The following LINC00632 variants were observed in gnomAD, a reference collection of about 807,000 sequenced individuals.
The protein encoded by LINC00632 is ALDOA related specific transcript.
At chrX:140,737,149 C>G (rs1230818254) in intron 3 of LINC00632, among the ~76,000 whole-genome samples, 1 of 110,389 alleles carries the variant, frequency 9.1e-6, no homozygotes, top group East Asian at 2.9e-4. Flanking sequence ...ATCCATTTGC[C>G]TCGGCCTCCC....
At chrX:140,723,883 C>T (rs1288757118) in intron 2 of LINC00632, among the ~76,000 whole-genome samples, 3 of 8,145 alleles carry the variant, frequency 3.7e-4, no homozygotes, top group Non-Finnish European at 8.1e-4. Flanking sequence ...TCCATAGCAA[C>T]AGACACACGC....
intron 2 of LINC00632, chrX:140,714,828 A>AG (rs1569346600): frequency 2.4e-5 from 1 of 42,241 alleles, no homozygotes; most frequent in Non-Finnish European, 3.7e-5. Context: ...GCCTCAAAAA[A>AG]AATAAAAAAA....
At chrX:140,720,177 A>G (rs1330837827) in intron 2 of LINC00632, among the ~76,000 whole-genome samples, 1 of 111,367 alleles carries the variant, frequency 9.0e-6, no homozygotes, top group Non-Finnish European at 1.9e-5. Flanking sequence ...ATGCATGGAC[A>G]TGCCTTACAA....
exon 4 of LINC00632, among the ~76,000 whole-genome samples, chrX:140,772,943 A>G (rs1450109973): frequency 8.9e-6 from 1 of 111,809 alleles, no homozygotes; most frequent in Non-Finnish European, 1.9e-5. Context: ...AGGTGGGTGG[A>G]TCACTTGAGG....
exon 5 of LINC00632, among the ~76,000 whole-genome samples, chrX:140,787,641 A>C (rs898299442): frequency 9.0e-6 from 1 of 111,573 alleles, no homozygotes; most frequent in African/African-American, 3.2e-5. Context: ...CAAAAAAATT[A>C]CAAGCAATCA....
Position 140,754,215 on chromosome X carries a change from C to T in LINC00632, n.192-17863C>T, listed in dbSNP as rs763280805. 2.7e-5 allele frequency among the ~76,000 whole-genome samples: 3 copies of T among 111,841 alleles called. No individual in the cohort carries two copies. The South Asian group carries it at 1.1e-3, about 42-fold the overall frequency. ...GTCTTGGATGCACACTGGAATCACACTGGCATATTATGAAAAATAATGATC... is the reference window on the plus strand; with the variant it reads ...GTCTTGGATGCACACTGGAATCACATTGGCATATTATGAAAAATAATGATC... On this transcript the variant is annotated intron_variant and non_coding_transcript_variant, in intron 3 of 4. Transcript: ENST00000648200.
At chrX:140,784,316 TTCCAACAAAGGTACGTC>T (rs1421164317) in exon 5 of LINC00632, 2 of 1,209,766 alleles carry the variant, frequency 1.7e-6, no homozygotes, top group Non-Finnish European at 2.2e-6. Flanking sequence ...AAGGTATGTC[TTCCAACAAAGGTACGTC>T]TTCCAGAAAA....
chrX:140,718,058 C>T (rs1045614814), intron 2 of LINC00632, among the ~76,000 whole-genome samples: 4 of 110,775 alleles, frequency 3.6e-5, no homozygotes, highest in African/African-American at 6.6e-5. Flanking sequence ...ATCGCTTGAA[C>T]CTGGGAGGCA....
Position 140,788,859 on chromosome X carries a change from T to C in LINC00632, n.16878T>C, listed in dbSNP as rs796851145. On this transcript the variant is annotated non_coding_transcript_exon_variant, in exon 5 of 5. Coordinates refer to ENST00000648200, the Ensembl canonical transcript of LINC00632. ...TATATGTATATATGTATATTCCATATATGCATATTCCATATATATACACAT... is the reference window on the plus strand; with the variant it reads ...TATATGTATATATGTATATTCCATACATGCATATTCCATATATATACACAT... Among the ~76,000 whole-genome samples, 4 of 100,761 alleles carry C rather than the reference T, an allele frequency of 4.0e-5. No individual in the cohort carries two copies. In the South Asian group the frequency reaches 1.7e-3, roughly 44 times the overall value. The allele number at this position is 100,761 out of a possible 115,157, so 87.5% of individuals were successfully genotyped here.
chrX:140,717,067 C>T (rs1930645491), intron 2 of LINC00632, among the ~76,000 whole-genome samples: 1 of 110,021 alleles, frequency 9.1e-6, no homozygotes, highest in Admixed American at 9.7e-5. Flanking sequence ...TCACTGCAGC[C>T]TCCGCCTCCC....
intron 3 of LINC00632, among the ~76,000 whole-genome samples, chrX:140,765,447 T>C (rs1356260423): frequency 8.9e-6 from 1 of 111,927 alleles, no homozygotes; most frequent in East Asian, 2.8e-4. Flanking sequence ...TAATTAGTAT[T>C]TAGGAACCCC....
intron 3 of LINC00632, among the ~76,000 whole-genome samples, chrX:140,745,200 G>A (rs1375511313): frequency 9.2e-6 from 1 of 109,185 alleles, no homozygotes; most frequent in Non-Finnish European, 1.9e-5. Flanking sequence ...CCAGTACTGG[G>A]GAGCTTGGTG....
chrX:140,734,759 CTTT>C (rs145614025), intron 3 of LINC00632, among the ~76,000 whole-genome samples: 48 of 75,279 alleles, frequency 6.4e-4, no homozygotes, highest in East Asian at 7.7e-4. Context: ...GGAAATACAT[CTTT>C]TTTTTTTTTT....
chrX:140,747,780 C>T (rs1931349064), intron 3 of LINC00632, among the ~76,000 whole-genome samples: 1 of 111,402 alleles, frequency 9.0e-6, no homozygotes, highest in Non-Finnish European at 1.9e-5. Context: ...GTGCCTTGAC[C>T]TATTTGGCCA....
At chrX:140,767,265 A>G (rs1187486585) in intron 3 of LINC00632, among the ~76,000 whole-genome samples, 2 of 111,572 alleles carry the variant, frequency 1.8e-5, no homozygotes, top group Non-Finnish European at 3.8e-5. Flanking sequence ...TAAAATAATA[A>G]TAATAATGCC....
At chrX:140,786,894 C>T (rs1365877427) in exon 5 of LINC00632, among the ~76,000 whole-genome samples, 1 of 111,586 alleles carries the variant, frequency 9.0e-6, no homozygotes, top group African/African-American at 3.2e-5. Flanking sequence ...CATCAGCATA[C>T]AAGGTTACAT....
intron 3 of LINC00632, among the ~76,000 whole-genome samples, chrX:140,753,774 T>C (rs1265055622): frequency 2.5e-5 from 2 of 80,158 alleles, no homozygotes; most frequent in Non-Finnish European, 4.8e-5. Context: ...CTTTCTTTTT[T>C]TTTTTTTTTT....
At chrX:140,763,725 C>T (rs1458665913) in intron 3 of LINC00632, among the ~76,000 whole-genome samples, 2 of 111,611 alleles carry the variant, frequency 1.8e-5, no homozygotes, top group Non-Finnish European at 3.8e-5. Context: ...TGCACTTTAA[C>T]GCATTAAAAC....
intron 3 of LINC00632, among the ~76,000 whole-genome samples, chrX:140,771,626 C>T (rs1416459817): frequency 1.2e-4 from 11 of 93,373 alleles, no homozygotes; most frequent in African/African-American, 4.1e-4. Flanking sequence ...CACACACACA[C>T]ACACACACAC....
Sources: allele counts gnomAD v4.1 joint callset (sites outside exome capture counted in the v4.1 genomes callset), GRCh38; gene constraint gnomAD v4.1.1; transcripts MANE v1.5; gene names NCBI Gene and HGNC (gene_info 2026-07-23, HGNC 2026-07-21).